The following UPF2 variants were observed in gnomAD, a reference collection of about 807,000 sequenced individuals.
UPF2 encodes regulator of nonsense transcripts 2.
Under a neutral mutation model 141.4 loss-of-function variants are expected in UPF2, and 17 were observed. The ratio of observed to expected loss-of-function variants is 0.12; its 90% confidence interval spans 0.08 to 0.18. The LOEUF (loss-of-function observed/expected upper bound fraction) is 0.18. Among genes scored for constraint, UPF2 ranks in the 10% least tolerant of loss-of-function variants. UPF2 has a pLI of 1.00. For missense variants in UPF2, 1,152 were observed against 1,515.9 expected (o/e 0.76, Z 3.99); for synonymous variants, 540 against 498.0 (o/e 1.08, Z -1.12).
intron 13 of UPF2, 59 bp from the exon 14 acceptor site, chr10:11,955,566 G>C: frequency 6.7e-7 from 1 of 1,486,474 alleles, no homozygotes; most frequent in Non-Finnish European, 9.0e-7. Flanking sequence ...ATGAAAACAG[G>C]TTAAACTTGT....
chr10:12,000,265 A>G (rs117635464), intron 6 of UPF2, among the ~76,000 whole-genome samples: 13 of 152,298 alleles, frequency 8.5e-5, no homozygotes, highest in East Asian at 7.7e-4. Context: ...GGTCAGAAAA[A>G]GCATGCAGTG....
chr10:12,004,230 T>C (rs1203788712), intron 5 of UPF2, among the ~76,000 whole-genome samples: 1 of 152,180 alleles, frequency 6.6e-6, no homozygotes, highest in Non-Finnish European at 1.5e-5. Context: ...AACAATCTGA[T>C]ACCTGGGGGA....
At chr10:11,978,348 T>G (rs1833539793) in intron 9 of UPF2, among the ~76,000 whole-genome samples, 1 of 152,226 alleles carries the variant, frequency 6.6e-6, no homozygotes. Context: ...TTTTTCACAG[T>G]CTAACAATGT....
intron 15 of UPF2, among the ~76,000 whole-genome samples, chr10:11,951,445 G>T (rs1425465655): frequency 6.6e-6 from 1 of 152,170 alleles, no homozygotes; most frequent in East Asian, 1.9e-4. Context: ...GCTATACTTT[G>T]TACTGGTTAT....
chr10:11,974,022 G>C (rs1833463658), intron 9 of UPF2, among the ~76,000 whole-genome samples: 1 of 152,190 alleles, frequency 6.6e-6, no homozygotes, highest in Non-Finnish European at 1.5e-5. Context: ...CGTGAGCATG[G>C]AATGTTCTTC....
chr10:12,015,015 T>C (rs138774470), intron 3 of UPF2, among the ~76,000 whole-genome samples: 170 of 152,260 alleles, frequency 1.1e-3, no homozygotes, highest in African/African-American at 3.9e-3. Flanking sequence ...AACACCAAAA[T>C]GTATAGAGTA....
rs1488895098 is a variant in UPF2, at chr10:11,967,383, CTTAG to C, written c.2021_2024del (p.Thr674SerfsTer14). 1.3e-6 allele frequency: 2 copies of C among 1,590,456 alleles called. No individual in the cohort carries two copies. Among genetic ancestry groups the C allele is most frequent in the East Asian group, 2.3e-5 (1 of 43,232 alleles). ...TGTCATTTTTGGTGAACATCTTAAA[CTTAG>C]TTAGTTCTCCTATAAAACGAACAGT... On this transcript the variant is annotated frameshift_variant, in exon 10 of 22. Transcript: ENST00000357604. LOFTEE classifies it high-confidence loss of function.
At chr10:12,013,414 C>A (rs1480115402) in intron 4 of UPF2, among the ~76,000 whole-genome samples, 2 of 151,620 alleles carry the variant, frequency 1.3e-5, no homozygotes, top group Non-Finnish European at 2.9e-5. Context: ...GTAGCTGGGA[C>A]TACAGGCACG....
rs557340176 is a variant in UPF2, at chr10:11,931,933, G to A, written c.3547-151C>T. The A allele has an allele frequency of 2.3e-3, 1,638 of 724,530 alleles. 7 individuals are homozygous for A. The highest frequency in any genetic ancestry group is 3.5e-3 in the Middle Eastern group (9 of 2,560). 44.9% of individuals were successfully genotyped at this position (724,530 alleles called of 1,614,324 possible). On this transcript the variant is annotated intron_variant, in intron 19 of 21. Transcript: ENST00000357604. The surrounding 1 kb of genome is among the most constrained non-coding windows in gnomAD (Gnocchi z 5.9). Reference sequence around the variant, plus strand: ...TGGGAGGCCGAGGCGGGCGGATCACGAGGTCAAGAGATCAAGACCATCCAG... The same window carrying A: ...TGGGAGGCCGAGGCGGGCGGATCACAAGGTCAAGAGATCAAGACCATCCAG...
rs117243654 is a variant in UPF2 at position 12,011,557 on chromosome 10, C to T, written c.1306+2467G>A. On this transcript the variant is annotated intron_variant, in intron 4 of 21. Coordinates refer to ENST00000357604, the MANE Select transcript of UPF2 (RefSeq NM_015542.4). ...CAGAGGTTGCAGTGAGCCGGGACTGCACCATCGCATTCCAGCCTGTCTCCA... is the reference window on the plus strand; with the variant it reads ...CAGAGGTTGCAGTGAGCCGGGACTGTACCATCGCATTCCAGCCTGTCTCCA... 5.1e-3 allele frequency among the ~76,000 whole-genome samples: 772 copies of T among 152,246 alleles called. 21 individuals are homozygous for T. The highest frequency in any genetic ancestry group is 0.034 in the Admixed American group (520 of 15,288).
chr10:11,921,750 C>T lies in UPF2; in HGVS notation c.3810-443G>A, dbSNP rs1832647941. Among the ~76,000 whole-genome samples, 1 of 152,160 alleles carries T rather than the reference C, an allele frequency of 6.6e-6. No homozygotes were observed. The highest frequency in any genetic ancestry group is 2.4e-5 in the African/African-American group (1 of 41,436). ...TTTTTGAGAGCATTCATGCTCTCTA[C>T]TGAGCTACAACTTAACCAGAGCCAT... is the stretch of plus-strand genomic sequence containing the variant. On this transcript the variant is annotated intron_variant, in intron 21 of 21. Coordinates refer to ENST00000357604, the MANE Select transcript of UPF2 (RefSeq NM_015542.4). The surrounding 1 kb of genome is among the most constrained non-coding windows in gnomAD (Gnocchi z 5.9).
At chr10:12,024,880 G>A (rs1297719195) in intron 3 of UPF2, among the ~76,000 whole-genome samples, 1 of 126,828 alleles carries the variant, frequency 7.9e-6, no homozygotes. Flanking sequence ...GCTACACTGA[G>A]CCATGATCAC....
At chr10:12,038,375 A>ATC (rs767655170) in intron 1 of UPF2, among the ~76,000 whole-genome samples, 1 of 76,750 alleles carries the variant, frequency 1.3e-5, no homozygotes, top group Non-Finnish European at 3.0e-5. Flanking sequence ...GTGAGACTCC[A>ATC]TCTCACACAC....
chr10:11,949,721 T>A (rs888496333), intron 15 of UPF2, among the ~76,000 whole-genome samples: 3 of 152,228 alleles, frequency 2.0e-5, no homozygotes, highest in Non-Finnish European at 4.4e-5. Context: ...AACCCTCTCA[T>A]TTCATGAATA....
In UPF2 at chr10:11,942,711, T is replaced by C; in HGVS notation, c.3332A>G (p.Glu1111Gly). Residue 1111 changes from glutamate (E) to glycine (G), a missense_variant, in exon 18 of 22, where the codon GAG becomes GGG. Around this residue, in one of 4 missense-constraint regions of UPF2, gnomAD observed 202 missense variants for 223.6 expected, o/e 0.90. Transcript: ENST00000357604. ...GLKHVPCVEDEDFIQALDKMM... is the reference protein window; with the variant it reads ...GLKHVPCVEDGDFIQALDKMM... ...TTTATCCAGAGCTTGAATGAAGTCC[T>C]CATCTTCTACACAAGGTACATGCTT... 1.2e-6 allele frequency: 2 copies of C among 1,614,062 alleles called. No individual in the cohort carries two copies. The highest frequency in any genetic ancestry group is 1.1e-5 in the South Asian group (1 of 91,080).
At position 11,959,332 on chromosome 10, in the gene UPF2, C is replaced by G. The variant is rs1234542756; in HGVS notation, c.2209G>C (p.Ala737Pro). 1 of 1,576,004 alleles carries G rather than the reference C, an allele frequency of 6.3e-7. No homozygotes were observed. ...LLEQMMRKKQ[A>P]MHLDARYVTM... The stretch of plus-strand genomic sequence containing the variant: ...ACGTATCTCGCATCAAGATGCATTG[C>G]TTGCTTCTTTCTCATCATTTGCTCC... Residue 737 changes from alanine to proline, a missense_variant, in exon 12 of 22, where the codon GCA becomes CCA. By Grantham distance (27) the Ala-to-Pro change is conservative. Around this residue, in one of 4 missense-constraint regions of UPF2, gnomAD observed 739 missense variants for 1,032.2 expected, o/e 0.72. Transcript: ENST00000357604. The surrounding 1 kb of genome is among the most constrained non-coding windows in gnomAD (Gnocchi z 5.9).
intron 10 of UPF2, among the ~76,000 whole-genome samples, chr10:11,965,669 C>T (rs866833493): frequency 6.6e-6 from 1 of 152,132 alleles, no homozygotes; most frequent in South Asian, 2.1e-4. Context: ...CCGTGTTAGC[C>T]AGGATGGTCT....
In UPF2 at chr10:12,014,256, C is replaced by T. The variant is rs1834181322; in HGVS notation, c.1146-72G>A. On this transcript the variant is annotated intron_variant, in intron 3 of 21. Transcript: ENST00000357604. This position sits in a 1 kb window ranked among gnomAD's most constrained non-coding sequence, Gnocchi z 5.0. Reference sequence around the variant, plus strand: ...ATCACAAATTGTTATATATGGGAAACATTCCATAATTTGATTTTCTCATAC... The same window carrying T: ...ATCACAAATTGTTATATATGGGAAATATTCCATAATTTGATTTTCTCATAC... The T allele has an allele frequency of 7.9e-7, 1 of 1,265,028 alleles. No individual in the cohort carries two copies. The highest frequency in any genetic ancestry group is 3.1e-5 in the Admixed American group (1 of 31,796). The allele number at this position is 1,265,028 out of a possible 1,614,324, so 78.4% of individuals were successfully genotyped here. A position where few individuals can be genotyped will look rare whatever the true frequency, so the allele number is the denominator to read the frequency against.
rs1178741894 is a variant in UPF2, at chr10:12,014,192, C to A, written c.1146-8G>T. On this transcript the variant is annotated splice_region_variant and splice_polypyrimidine_tract_variant and intron_variant, in intron 3 of 21. Transcript: ENST00000357604. The surrounding 1 kb of genome is among the most constrained non-coding windows in gnomAD (Gnocchi z 5.0). ...TTAGAATGTAGAATGCGCCTATAAACAAATGAAATCATCTGACAGTCTTAT... is the reference window on the plus strand; with the variant it reads ...TTAGAATGTAGAATGCGCCTATAAAAAAATGAAATCATCTGACAGTCTTAT... 2 of 1,394,538 alleles carry A rather than the reference C, an allele frequency of 1.4e-6. No individual in the cohort carries two copies. Among genetic ancestry groups the A allele is most frequent in the Non-Finnish European group, 1.9e-6 (2 of 1,059,562 alleles). The allele number at this position is 1,394,538 out of a possible 1,614,324, so 86.4% of individuals were successfully genotyped here.
Sources: allele counts gnomAD v4.1 joint callset (sites outside exome capture counted in the v4.1 genomes callset), GRCh38; gene constraint gnomAD v4.1.1; regional missense constraint gnomAD v4.1.1; non-coding constraint Gnocchi (gnomAD v3.1); transcripts MANE v1.5; gene names NCBI Gene and HGNC (gene_info 2026-07-23, HGNC 2026-07-21).